PCDHA5: variants seen among roughly 807,000 people sequenced by gnomAD.
PCDHA5 encodes the protein protocadherin alpha 5.
PCDHA5 carries 43 observed loss-of-function variants against 61.6 expected under a neutral mutation model. The observed-to-expected ratio is 0.70, with a 90% CI of 0.55 to 0.90. PCDHA5 has a LOEUF of 0.90. PCDHA5 is among the 40% of genes least tolerant of loss of function. The pLI, the probability that PCDHA5 is intolerant of heterozygous loss-of-function variation, is 0.00. For missense variants in PCDHA5, 1,298 were observed against 1,222.7 expected, an observed-to-expected ratio of 1.06 and a Z score of -0.92; for synonymous variants, 627 against 543.9, an observed-to-expected ratio of 1.15 and a Z score of -2.13.
At chr5:140,884,003 G>T (rs781845787) in intron 1 of PCDHA5, 2 of 1,612,968 alleles carry the variant, frequency 1.2e-6, no homozygotes, top group Non-Finnish European at 8.5e-7. Flanking sequence ...CACAGTGAGC[G>T]AGCTGATGCC....
At chr5:140,895,636 T>C (rs1554186575) in intron 1 of PCDHA5, among the ~76,000 whole-genome samples, 1 of 152,178 alleles carries the variant, frequency 6.6e-6, no homozygotes, top group Non-Finnish European at 1.5e-5. Context: ...TTTCACATTC[T>C]TTTTTAGCTC....
At chr5:140,921,198 A>T (rs1298623554) in intron 1 of PCDHA5, among the ~76,000 whole-genome samples, 2 of 152,076 alleles carry the variant, frequency 1.3e-5, no homozygotes, top group African/African-American at 4.8e-5. Flanking sequence ...CAATAGATTG[A>T]CAACGATAAT....
intron 1 of PCDHA5, among the ~76,000 whole-genome samples, chr5:140,945,201 T>C (rs1168662297): frequency 2.6e-5 from 4 of 152,054 alleles, no homozygotes; most frequent in Non-Finnish European, 5.9e-5. Flanking sequence ...CTATTTACAA[T>C]AGCTATGAGA....
intron 1 of PCDHA5, chr5:140,843,740 C>T (rs2150365873): frequency 1.9e-5 from 29 of 1,536,514 alleles, no homozygotes; most frequent in South Asian, 3.4e-5. Context: ...ATTTAGAACT[C>T]ATAAATTCTA....
intron 3 of PCDHA5, among the ~76,000 whole-genome samples, chr5:140,986,316 C>T (rs1407067646): frequency 2.0e-5 from 3 of 152,146 alleles, no homozygotes; most frequent in African/African-American, 7.2e-5. Context: ...TTAGCTAAAT[C>T]AGGAATGCAG....
intron 1 of PCDHA5, among the ~76,000 whole-genome samples, chr5:140,978,377 G>GT (rs1554239246): frequency 6.6e-6 from 1 of 152,212 alleles, no homozygotes; most frequent in Non-Finnish European, 1.5e-5. Context: ...GCAATAGTTT[G>GT]TTTTCCTCTC....
intron 1 of PCDHA5, among the ~76,000 whole-genome samples, chr5:140,833,058 A>G (rs2150205885): frequency 6.6e-6 from 1 of 152,354 alleles, no homozygotes; most frequent in Non-Finnish European, 1.5e-5. Context: ...AAGTAATATG[A>G]GAAAAACCTT....
chr5:140,843,112 G>T lies in PCDHA5; in HGVS notation c.2352+18985G>T, dbSNP rs1581030644. 3.1e-6 allele frequency: 5 copies of T among 1,595,864 alleles called. 1 individual carries two copies. The highest frequency in any genetic ancestry group is 1.7e-4 in the Middle Eastern group (1 of 5,904). On this transcript the variant is annotated intron_variant, in intron 1 of 3. Coordinates refer to ENST00000529859, the MANE Select transcript of PCDHA5 (RefSeq NM_018908.3). Reference sequence around the variant, plus strand: ...ACGTGGTAGCGAAGGTGCGCGCAGTGGACGCCGACTCGGGCTACAACGCGT... The same window carrying T: ...ACGTGGTAGCGAAGGTGCGCGCAGTTGACGCCGACTCGGGCTACAACGCGT...
chr5:140,830,417 C>G, intron 1 of PCDHA5: 2 of 1,614,096 alleles, frequency 1.2e-6, no homozygotes, highest in Non-Finnish European at 1.7e-6. Context: ...TAGCCCCAGC[C>G]TTTCACCTTG....
rs2150125598 is a variant in PCDHA5 at position 140,823,403 on chromosome 5, C to T, written c.1628C>T (p.Pro543Leu). 1 of 1,613,188 alleles carries T rather than the reference C, an allele frequency of 6.2e-7. No homozygotes were observed. The part of the protein sequence containing the change: ...QVSARDAGVP[P>L]LGSNVTLQVF... ...AGCGCGCGCGACGCGGGCGTGCCGC[C>T]TCTGGGCAGCAACGTGACGCTGCAG... The change falls in exon 1 of 4, where the codon CCT (proline) becomes CTT (leucine). Residue 543 changes from proline (P) to leucine (L), a missense_variant. Physicochemically the swap from Pro to Leu is moderately conservative, Grantham distance 98. Coordinates refer to ENST00000529859, the MANE Select transcript of PCDHA5 (RefSeq NM_018908.3).
rs1371953272 is a variant in PCDHA5 at position 140,844,555 on chromosome 5, A to G, written c.2352+20428A>G. ...ATTCAACCCTTTGTTCATGAGTTGGAATATTTTCAATAATATTCCACATTA... is the reference window on the plus strand; with the variant it reads ...ATTCAACCCTTTGTTCATGAGTTGGGATATTTTCAATAATATTCCACATTA... On this transcript the variant is annotated intron_variant, in intron 1 of 3. Transcript: ENST00000529859. Among the ~76,000 whole-genome samples the G allele has an allele frequency of 6.7e-5, 10 of 149,520 alleles. 1 individual carries two copies. The Admixed American group carries it at 6.7e-4, about 10-fold the overall frequency.
intron 1 of PCDHA5, chr5:140,856,061 T>A (rs782207999): frequency 1.3e-6 from 2 of 1,588,972 alleles, no homozygotes; most frequent in Non-Finnish European, 8.6e-7. Context: ...GGTTTCCAGA[T>A]GTAGCTGCCT....
At position 140,858,014 on chromosome 5, in the gene PCDHA5, C is replaced by T. The variant is rs782738271; in HGVS notation, c.2352+33887C>T. 5 of 1,596,754 alleles carry T rather than the reference C, an allele frequency of 3.1e-6. No homozygotes were observed. Among genetic ancestry groups the T allele is most frequent in the African/African-American group, 1.3e-5 (1 of 74,296 alleles). ...GGTGCTGGTGAAGGACCATGGCGAG[C>T]CGTCGCTGACGGCCACGGCCACTGT... On this transcript the variant is annotated intron_variant, in intron 1 of 3. Coordinates refer to ENST00000529859, the MANE Select transcript of PCDHA5 (RefSeq NM_018908.3).
chr5:140,938,148 A>G (rs563866654), intron 1 of PCDHA5, among the ~76,000 whole-genome samples: 1 of 152,284 alleles, frequency 6.6e-6, no homozygotes, highest in African/African-American at 2.4e-5. Context: ...GTCTCACTAC[A>G]TTGCCCAGGC....
Position 140,849,746 on chromosome 5 carries a change from T to G in PCDHA5, c.2352+25619T>G, listed in dbSNP as rs2150447912. On this transcript the variant is annotated intron_variant, in intron 1 of 3. Transcript: ENST00000529859. ...TGGACAGAGCTCTGGACCGCGAGAG[T>G]GTGTCCGCCTACGAGCTGGTGGTTA... The G allele has an allele frequency of 2.3e-5, 37 of 1,597,844 alleles. 5 individuals carry two copies. Among genetic ancestry groups the G allele is most frequent in the Admixed American group, 6.8e-5 (4 of 59,208 alleles).
chr5:140,825,455 AT>A (rs1326484849), intron 1 of PCDHA5: 1 of 148,934 alleles, frequency 6.7e-6, no homozygotes, highest in East Asian at 1.9e-4. Flanking sequence ...TATATCAGAT[AT>A]TTTGATACAG....
chr5:140,830,088 T>C, intron 1 of PCDHA5: 13 of 1,613,512 alleles, frequency 8.1e-6, no homozygotes, highest in Non-Finnish European at 1.1e-5. Flanking sequence ...GCCACGGTTC[T>C]GGTGTCGCTG....
intron 1 of PCDHA5, among the ~76,000 whole-genome samples, chr5:140,880,228 A>G (rs2058273237): frequency 6.6e-6 from 1 of 152,196 alleles, no homozygotes; most frequent in Non-Finnish European, 1.5e-5. Context: ...GAACATTTAA[A>G]TTAGTGTATG....
intron 1 of PCDHA5, among the ~76,000 whole-genome samples, chr5:140,888,289 C>T (rs543077496): frequency 1.3e-5 from 2 of 152,246 alleles, no homozygotes; most frequent in Admixed American, 1.3e-4. Flanking sequence ...CCTCTACCCC[C>T]TACCCAGGAG....
Sources: allele counts gnomAD v4.1 joint callset (sites outside exome capture counted in the v4.1 genomes callset), GRCh38; gene constraint gnomAD v4.1.1; transcripts MANE v1.5; gene names NCBI Gene and HGNC (gene_info 2026-07-23, HGNC 2026-07-21).